Variants in CSPG4 observed in about 807,000 individuals in gnomAD.
CSPG4 encodes the protein chondroitin sulfate proteoglycan 4.
Under a neutral mutation model 139.3 loss-of-function variants are expected in CSPG4, and 74 were observed. That is an observed-to-expected ratio of 0.53 (90% CI 0.44 to 0.64). The LOEUF (loss-of-function observed/expected upper bound fraction) is 0.64, where lower values mean the gene tolerates loss of function less well. CSPG4 is among the 30% of genes least tolerant of loss of function. The probability of loss-of-function intolerance (pLI) is 0.00; values close to 1 mark genes in which losing one functional copy is unlikely to be tolerated. For synonymous variants in CSPG4, 1,234 were observed against 1,394.2 expected (o/e 0.89, Z 2.56); for missense variants, 2,565 against 3,148.3 (o/e 0.81, Z 4.43).
chr15:75,693,339 C>G (rs1894190039), intron 1 of CSPG4, 106 bp from the exon 2 acceptor site: 1 of 1,135,704 alleles, frequency 8.8e-7, no homozygotes, highest in African/African-American at 1.5e-5. Context: ...CGTGCTGGCG[C>G]ACCCTCATGG....
Position 75,682,414 on chromosome 15 carries a change from C to T in CSPG4, c.4829G>A (p.Ser1610Asn). The change falls in exon 8 of 10, where the codon AGC (serine) becomes AAC (asparagine). Residue 1610 changes from serine to asparagine, a missense_variant. By Grantham distance (46) the Ser-to-Asn change is conservative. Transcript: ENST00000308508. Reference sequence around the variant, plus strand: ...CAGGAGCTGGGGGTCAGTGCCTGCGCTGGAGCTGGCCCTGAGGGTCTGACT... The same window carrying T: ...CAGGAGCTGGGGGTCAGTGCCTGCGTTGGAGCTGGCCCTGAGGGTCTGACT... ...LSSQTLRASSSAGTDPQLLLY... is the reference protein window; with the variant it reads ...LSSQTLRASSNAGTDPQLLLY... The T allele has an allele frequency of 6.3e-7, 1 of 1,594,162 alleles. No homozygotes were observed. Among genetic ancestry groups the T allele is most frequent in the South Asian group, 1.1e-5 (1 of 90,468 alleles).
intron 1 of CSPG4, among the ~76,000 whole-genome samples, chr15:75,694,667 C>T (rs1370805720): frequency 6.6e-6 from 1 of 152,232 alleles, no homozygotes; most frequent in Non-Finnish European, 1.5e-5. Context: ...CCGTAAGAAC[C>T]CCTTGGGCTG....
chr15:75,692,990 C>G (rs1894184355), intron 2 of CSPG4, 80 bp downstream of exon 2: 1 of 674,994 alleles, frequency 1.5e-6, no homozygotes, highest in South Asian at 1.9e-5. Context: ...CAAGGTCACA[C>G]AGCCAGCTGG....
rs1452071840 is a variant in CSPG4 at position 75,683,026 on chromosome 15, T to C, written c.4465A>G (p.Thr1489Ala). The stretch of plus-strand genomic sequence containing the variant: ...AGAGCCTCCGCAGGGATGGGCGCAG[T>C]GGCCCCCTCCCACATCTGGGAACAC... The part of the protein sequence containing the change: ...NTGLQMWEGA[T>A]APIPAEALRS... Residue 1489 changes from threonine to alanine, a missense_variant, in exon 6 of 10, where the codon ACT (threonine) becomes GCT (alanine). Physicochemically the swap from Thr to Ala is moderately conservative, Grantham distance 58. Transcript: ENST00000308508. 21 of 1,610,340 alleles carry C rather than the reference T, an allele frequency of 1.3e-5. No individual in the cohort carries two copies. The highest frequency in any genetic ancestry group is 1.6e-5 in the Non-Finnish European group (19 of 1,179,582).
intron 5 of CSPG4, among the ~76,000 whole-genome samples, chr15:75,684,268 C>CCT (rs1047727425): frequency 6.6e-6 from 1 of 152,272 alleles, no homozygotes; most frequent in Non-Finnish European, 1.5e-5. Context: ...GGGGCCCTTA[C>CCT]CTCTGCCTGA....
At position 75,682,918 on chromosome 15, in the gene CSPG4, C is replaced by T. The variant is rs778858827; in HGVS notation, c.4573G>A (p.Gly1525Arg). ...QPSNGRVVLR[G>R]APGTEVRSFT... ...CTGCGCACCTCAGTGCCCGGCGCCC[C>T]CCGCAGCACTACCCGCCCGTTGCTG... The change falls in exon 6 of 10, where the codon GGG (glycine) becomes AGG (arginine). Residue 1525 changes from glycine to arginine, a missense_variant. Gly to Arg is a moderately radical substitution (Grantham distance 125). Coordinates refer to ENST00000308508, the MANE Select transcript of CSPG4 (RefSeq NM_001897.5). The T allele has an allele frequency of 3.1e-6, 5 of 1,610,948 alleles. No individual in the cohort carries two copies. The East Asian group carries it at 8.9e-5, about 29-fold the overall frequency.
intron 5 of CSPG4, among the ~76,000 whole-genome samples, chr15:75,683,754 T>C (rs1894012760): frequency 6.6e-6 from 1 of 152,164 alleles, no homozygotes; most frequent in South Asian, 2.1e-4. Flanking sequence ...GGGACTCACA[T>C]GCCCGGAAAA....
At chr15:75,678,087 G>A (rs1054295782) in intron 8 of CSPG4, among the ~76,000 whole-genome samples, 1 of 152,188 alleles carries the variant, frequency 6.6e-6, no homozygotes, top group Non-Finnish European at 1.5e-5. Flanking sequence ...GCCGGAGCCT[G>A]GGCTCAAACC....
At position 75,676,794 on chromosome 15, in the gene CSPG4, T is replaced by C. The variant is rs767125454; in HGVS notation, c.5725A>G (p.Asn1909Asp). 3 of 1,544,700 alleles carry C rather than the reference T, an allele frequency of 1.9e-6. No individual in the cohort carries two copies. The highest frequency in any genetic ancestry group is 2.6e-6 in the Non-Finnish European group (3 of 1,143,386). ...AAGATGCCTGCCACGCTGCTCCCGT[T>C]GGCCACGAAGGCCAGCCGCCCTGAA... Reference protein sequence around the residue: ...VDSGRLAFVANGSSVAGIFQL... With the variant: ...VDSGRLAFVADGSSVAGIFQL... The change falls in exon 10 of 10, where the codon AAC becomes GAC. Residue 1909 changes from asparagine (N) to aspartate (D), a missense_variant. Coordinates refer to ENST00000308508, the MANE Select transcript of CSPG4 (RefSeq NM_001897.5).
chr15:75,705,206 C>G (rs544334323), intron 1 of CSPG4, among the ~76,000 whole-genome samples: 5 of 152,194 alleles, frequency 3.3e-5, no homozygotes, highest in Non-Finnish European at 5.9e-5. Flanking sequence ...CAGTTAGCCA[C>G]AGAGATGCAG....
chr15:75,689,593 C>T lies in CSPG4; in HGVS notation c.1472G>A (p.Arg491Gln), dbSNP rs367600030. ...LELDIPGAQARKMFTLLDVVN... is the reference protein window; with the variant it reads ...LELDIPGAQAQKMFTLLDVVN... ...CACGTCCAGGAGGGTGAACATTTTT[C>T]GTGCCTGGGCTCCCGGGATGTCCAG... Residue 491 changes from arginine to glutamine, a missense_variant, in exon 3 of 10, where the codon CGA becomes CAA. Arg to Gln is a conservative substitution (Grantham distance 43, BLOSUM62 1). Transcript: ENST00000308508. 1.7e-5 allele frequency: 27 copies of T among 1,612,620 alleles called. No individual in the cohort carries two copies. Among genetic ancestry groups the T allele is most frequent in the African/African-American group, 8.0e-5 (6 of 74,946 alleles).
Position 75,689,922 on chromosome 15 carries a change from C to A in CSPG4, c.1143G>T (p.Arg381Ser), listed in dbSNP as rs1291136165. 6.2e-7 allele frequency: 1 copy of A among 1,611,638 alleles called. No individual in the cohort carries two copies. Among genetic ancestry groups the A allele is most frequent in the Non-Finnish European group, 8.5e-7 (1 of 1,179,398 alleles). The part of the protein sequence containing the change: ...LLTRNMAAGC[R>S]LEEEEYEDDA... The stretch of plus-strand genomic sequence containing the variant: ...CGTCCTCATACTCCTCCTCCTCCAG[C>A]CTGCAGCCGGCTGCCATGTTGCGCG... The change falls in exon 3 of 10, where the codon AGG becomes AGT. Residue 381 changes from arginine (R) to serine (S), a missense_variant. Arg to Ser is a moderately radical substitution (Grantham distance 110). Coordinates refer to ENST00000308508, the MANE Select transcript of CSPG4 (RefSeq NM_001897.5).
At chr15:75,703,428 G>A (rs1208506492) in intron 1 of CSPG4, among the ~76,000 whole-genome samples, 2 of 151,770 alleles carry the variant, frequency 1.3e-5, no homozygotes, top group Non-Finnish European at 1.5e-5. Context: ...TCCAGGCAGC[G>A]TGGTCAGAGT....
chr15:75,676,752 C>T lies in CSPG4; in HGVS notation c.5767G>A (p.Asp1923Asn). 2 of 1,558,190 alleles carry T rather than the reference C, an allele frequency of 1.3e-6. No individual in the cohort carries two copies. The highest frequency in any genetic ancestry group is 1.7e-6 in the Non-Finnish European group (2 of 1,150,536). ...VAGIFQLSMS[D>N]GASPPLPMSL... ...ATGGGCAGGGGTGGGCTGGCCCCATCAGACATGCTCAGCTGGAAGATGCCT... is the reference window on the plus strand; with the variant it reads ...ATGGGCAGGGGTGGGCTGGCCCCATTAGACATGCTCAGCTGGAAGATGCCT... The change falls in exon 10 of 10, where the codon GAT becomes AAT. Residue 1923 changes from aspartate to asparagine, a missense_variant. Asp to Asn is a conservative substitution (Grantham distance 23, BLOSUM62 1). Transcript: ENST00000308508.
In CSPG4 at chr15:75,683,009, C is replaced by A; in HGVS notation, c.4482G>T (p.Ala1494=). 1.2e-6 allele frequency: 2 copies of A among 1,611,070 alleles called. No individual in the cohort carries two copies. The highest frequency in any genetic ancestry group is 2.0e-4 in the Middle Eastern group (1 of 4,948). Residue 1494 remains alanine, a synonymous_variant, in exon 6 of 10, where the codon GCG becomes GCT. Transcript: ENST00000308508. The part of the protein sequence containing the change: ...MWEGATAPIP[A]EALRSTDGDS... Reference sequence around the variant, plus strand: ...CGCCGTCCGTGCTCCTCAGAGCCTCCGCAGGGATGGGCGCAGTGGCCCCCT... The same window carrying A: ...CGCCGTCCGTGCTCCTCAGAGCCTCAGCAGGGATGGGCGCAGTGGCCCCCT...
chr15:75,677,522 C>G (rs1157716557), intron 9 of CSPG4, 138 bp from the exon 10 acceptor site: 2 of 1,214,434 alleles, frequency 1.6e-6, no homozygotes, highest in African/African-American at 3.1e-5. Flanking sequence ...GCTCAGGGTT[C>G]CCAGGAGGAT....
Position 75,697,058 on chromosome 15 carries a change from C to T in CSPG4, c.89-3825G>A, listed in dbSNP as rs561462773. ...ACATCTCTGCCCATCAGGCCCGCCT[C>T]CCCCGGCCAGGGCCCCACCTTCCCC... On this transcript the variant is annotated intron_variant, in intron 1 of 9. Coordinates refer to ENST00000308508, the MANE Select transcript of CSPG4 (RefSeq NM_001897.5). Among the ~76,000 whole-genome samples, 175 of 152,336 alleles carry T rather than the reference C, an allele frequency of 1.1e-3. 2 individuals are homozygous for T. Among genetic ancestry groups the T allele is most frequent in the African/African-American group, 4.0e-3 (167 of 41,584 alleles).
chr15:75,676,250 C>T lies in CSPG4; in HGVS notation c.6269G>A (p.Arg2090Gln), dbSNP rs1221696622. 9.6e-6 allele frequency: 15 copies of T among 1,561,710 alleles called. No homozygotes were observed. Among genetic ancestry groups the T allele is most frequent in the African/African-American group, 1.4e-5 (1 of 74,038 alleles). Residue 2090 changes from arginine (R) to glutamine (Q), a missense_variant, in exon 10 of 10, where the codon CGG (arginine) becomes CAG (glutamine). By Grantham distance (43) the Arg-to-Gln change is conservative. Around this residue, in one of 5 missense-constraint regions of CSPG4, gnomAD observed 2,316 missense variants for 2,818.2 expected, o/e 0.82. Coordinates refer to ENST00000308508, the MANE Select transcript of CSPG4 (RefSeq NM_001897.5). ...GGGCACGCGGACCACGCGGCCATGC[C>T]GGGGTCCCTCCAGGAGGCGGAAGCG... ...VPRFRLLEGPRHGRVVRVPRA... is the reference protein window; with the variant it reads ...VPRFRLLEGPQHGRVVRVPRA...
At chr15:75,693,925 C>G (rs888053155) in intron 1 of CSPG4, among the ~76,000 whole-genome samples, 3 of 152,252 alleles carry the variant, frequency 2.0e-5, no homozygotes, top group African/African-American at 7.2e-5. Flanking sequence ...GGCTCTGAGG[C>G]CAGATGGGGA....
Sources: allele counts gnomAD v4.1 joint callset (sites outside exome capture counted in the v4.1 genomes callset), GRCh38; gene constraint gnomAD v4.1.1; regional missense constraint gnomAD v4.1.1; transcripts MANE v1.5; gene names NCBI Gene and HGNC (gene_info 2026-07-23, HGNC 2026-07-21).